Variants in METTL16 observed in about 807,000 individuals in gnomAD.
The protein encoded by METTL16 is RNA N(6)-adenosine-methyltransferase METTL16.
METTL16 carries 19 observed loss-of-function variants against 57.9 expected under a neutral mutation model. The observed-to-expected ratio is 0.33, with a 90% CI of 0.23 to 0.48. The LOEUF (loss-of-function observed/expected upper bound fraction) is 0.48, where lower values mean the gene tolerates loss of function less well. Ranked by LOEUF, METTL16 falls within the 20% of genes least tolerant of loss-of-function variation. METTL16 has a pLI of 0.99. For synonymous variants in METTL16, 246 were observed against 255.6 expected (o/e 0.96, Z 0.36); for missense variants, 434 against 691.5 (o/e 0.63, Z 4.18).
intron 7 of METTL16, among the ~76,000 whole-genome samples, chr17:2,440,970 CAAAAA>C (rs760521188): frequency 1.2e-4 from 4 of 34,054 alleles, no homozygotes; most frequent in South Asian, 1.2e-3. Context: ...GACTTGATCT[CAAAAA>C]AAAAAAAAAA....
At chr17:2,491,884 A>G (rs901013905) in intron 2 of METTL16, among the ~76,000 whole-genome samples, 1 of 136,084 alleles carries the variant, frequency 7.3e-6, no homozygotes, top group African/African-American at 2.7e-5. Context: ...CACAAAAAAA[A>G]AAAAAAAAAA....
intron 6 of METTL16, among the ~76,000 whole-genome samples, chr17:2,462,669 G>A (rs1022564756): frequency 1.3e-5 from 2 of 151,974 alleles, no homozygotes; most frequent in Non-Finnish European, 2.9e-5. Flanking sequence ...ACGTAATGAT[G>A]TGCCTGCTTC....
rs1212245561 is a variant in METTL16, at chr17:2,439,086, G to T, written c.799-888C>A. Among the ~76,000 whole-genome samples the T allele has an allele frequency of 2.0e-5, 3 of 152,080 alleles. No individual in the cohort carries two copies. The East Asian group carries it at 5.8e-4, about 29-fold the overall frequency. Reference sequence around the variant, plus strand: ...AGAAACTGGGAGGAAAGTGGAAGTGGCGGTGGGAGTATTTATTTTATTTAA... The same window carrying T: ...AGAAACTGGGAGGAAAGTGGAAGTGTCGGTGGGAGTATTTATTTTATTTAA... On this transcript the variant is annotated intron_variant, in intron 7 of 9. Transcript: ENST00000263092.
At chr17:2,511,708 G>A (rs2067590640) in intron 1 of METTL16, 51 bp downstream of exon 1, 1 of 396,660 alleles carries the variant, frequency 2.5e-6, no homozygotes, top group East Asian at 3.6e-5. Context: ...GTGATCCACG[G>A]GTTAAGTGAC....
chr17:2,473,434 G>C, intron 4 of METTL16, 90 bp downstream of exon 4: 1 of 1,402,892 alleles, frequency 7.1e-7, no homozygotes, highest in Non-Finnish European at 9.6e-7. Flanking sequence ...ACCGAAGTCT[G>C]TGTATTAAAG....
chr17:2,424,207 G>A (rs1037113440), intron 8 of METTL16: 40 of 149,448 alleles, frequency 2.7e-4, no homozygotes, highest in African/African-American at 8.6e-4. Context: ...TCCGCCTCCC[G>A]GGTTCACGCC....
chr17:2,460,923 C>A (rs1484066850), intron 6 of METTL16, among the ~76,000 whole-genome samples: 1 of 150,852 alleles, frequency 6.6e-6, no homozygotes, highest in Non-Finnish European at 1.5e-5. Context: ...GAAATGGTCA[C>A]ATGACTTGGT....
At position 2,442,068 on chromosome 17, in the gene METTL16, G is replaced by C. The variant is rs1053319740; in HGVS notation, c.729-509C>G. Among the ~76,000 whole-genome samples the C allele has an allele frequency of 2.6e-5, 4 of 152,266 alleles. No individual in the cohort carries two copies. In the East Asian group the frequency reaches 7.7e-4, roughly 29 times the overall value. On this transcript the variant is annotated intron_variant, in intron 6 of 9. Transcript: ENST00000263092. ...AGAGTAAAAACAAATCCAGAAGAAGGAATGTGGAGAAGTTGGACTGAACTG... is the reference window on the plus strand; with the variant it reads ...AGAGTAAAAACAAATCCAGAAGAAGCAATGTGGAGAAGTTGGACTGAACTG...
Position 2,453,710 on chromosome 17 carries a change from G to GA in METTL16, c.728+10497dup, listed in dbSNP as rs1252508835. 3.3e-5 allele frequency among the ~76,000 whole-genome samples: 5 copies of GA among 152,196 alleles called. No individual in the cohort carries two copies. In the South Asian group the frequency reaches 8.3e-4, roughly 25 times the overall value. Reference sequence around the variant, plus strand: ...AATTTCCCTTTGCCAATTGTTCCACGAATCAATTATTACTATGATTGTTGC... The same window carrying GA: ...AATTTCCCTTTGCCAATTGTTCCACGAAATCAATTATTACTATGATTGTTGC... On this transcript the variant is annotated intron_variant, in intron 6 of 9. Coordinates refer to ENST00000263092, the MANE Select transcript of METTL16 (RefSeq NM_024086.4).
At chr17:2,461,854 C>T (rs1456170193) in intron 6 of METTL16, among the ~76,000 whole-genome samples, 1 of 152,186 alleles carries the variant, frequency 6.6e-6, no homozygotes, top group African/African-American at 2.4e-5. Context: ...GCTGGGATTA[C>T]AGGTGTGAGC....
intron 7 of METTL16, among the ~76,000 whole-genome samples, chr17:2,440,994 A>AAAAAAAAAAAAG (rs1555616313): frequency 3.5e-4 from 42 of 118,836 alleles, no homozygotes; most frequent in Non-Finnish European, 4.5e-4. Flanking sequence ...AAAAAAAAAA[A>AAAAAAAAAAAAG]AAGAAGAAGA....
intron 6 of METTL16, among the ~76,000 whole-genome samples, chr17:2,449,948 C>T (rs1045632624): frequency 3.9e-5 from 6 of 152,190 alleles, no homozygotes; most frequent in Admixed American, 1.3e-4. Context: ...GATACCACTA[C>T]CTACCCGTTA....
chr17:2,481,107 G>A (rs2067302524), intron 2 of METTL16, among the ~76,000 whole-genome samples: 1 of 151,914 alleles, frequency 6.6e-6, no homozygotes, highest in South Asian at 2.1e-4. Flanking sequence ...TCAGGAGGCT[G>A]AGCTTGCAGA....
chr17:2,454,964 AG>A (rs1357281024), intron 6 of METTL16, among the ~76,000 whole-genome samples: 1 of 152,030 alleles, frequency 6.6e-6, no homozygotes, highest in Admixed American at 6.6e-5. Flanking sequence ...TCTGTTGCTC[AG>A]GCTGGAGTGC....
chr17:2,506,875 G>T (rs1335302581), intron 1 of METTL16, among the ~76,000 whole-genome samples: 2 of 151,704 alleles, frequency 1.3e-5, no homozygotes, highest in Non-Finnish European at 2.9e-5. Context: ...CATCTGAGAT[G>T]TGGGGAGCGC....
At chr17:2,457,255 G>A (rs528837510) in intron 6 of METTL16, among the ~76,000 whole-genome samples, 67 of 147,962 alleles carry the variant, frequency 4.5e-4, no homozygotes, top group Admixed American at 1.0e-3. Context: ...GGAGAATGGC[G>A]TGAACCTGGG....
chr17:2,427,835 T>A (rs990942254), intron 8 of METTL16, among the ~76,000 whole-genome samples: 1 of 151,520 alleles, frequency 6.6e-6, no homozygotes. Context: ...AAGTATATGC[T>A]GGGTACAGTG....
intron 3 of METTL16, among the ~76,000 whole-genome samples, chr17:2,477,168 T>A: frequency 6.6e-6 from 1 of 151,878 alleles, no homozygotes; most frequent in East Asian, 1.9e-4. Flanking sequence ...CGAGACCCCA[T>A]CTCAAAATAA....
chr17:2,439,061 A>G (rs1443526341), intron 7 of METTL16, among the ~76,000 whole-genome samples: 1 of 152,168 alleles, frequency 6.6e-6, no homozygotes, highest in Non-Finnish European at 1.5e-5. Flanking sequence ...ACTAAAAACC[A>G]GAAACTGGGA....
Sources: allele counts gnomAD v4.1 joint callset (sites outside exome capture counted in the v4.1 genomes callset), GRCh38; gene constraint gnomAD v4.1.1; transcripts MANE v1.5; gene names NCBI Gene and HGNC (gene_info 2026-07-23, HGNC 2026-07-21).